Variants in CADM2 observed in about 807,000 individuals in gnomAD.
CADM2 encodes the protein immunoglobulin superfamily member 4D.
In CADM2, 12 loss-of-function variants were observed where a neutral mutation model predicts 49.8. The observed-to-expected ratio is 0.24, with a 90% CI of 0.15 to 0.39. The LOEUF (loss-of-function observed/expected upper bound fraction) is 0.39. CADM2 is among the 10% of genes least tolerant of loss of function. The pLI is 1.00. For synonymous variants in CADM2, 214 were observed against 175.4 expected (o/e 1.22, Z -1.74); for missense variants, 378 against 492.3 (o/e 0.77, Z 2.20).
At chr3:85,322,029 C>A (rs925338807) in intron 1 of CADM2, among the ~76,000 whole-genome samples, 1 of 152,086 alleles carries the variant, frequency 6.6e-6, no homozygotes, top group East Asian at 1.9e-4. Context: ...GGCAAAACAC[C>A]AAACATTTTG....
chr3:85,935,009 A>AT (rs1056909221), intron 6 of CADM2, among the ~76,000 whole-genome samples: 36 of 151,884 alleles, frequency 2.4e-4, no homozygotes, highest in African/African-American at 8.7e-4. Flanking sequence ...CTTATTTTCC[A>AT]TTTTTTCTAT....
At chr3:85,464,910 G>A (rs1370980324) in intron 1 of CADM2, among the ~76,000 whole-genome samples, 1 of 152,162 alleles carries the variant, frequency 6.6e-6, no homozygotes, top group East Asian at 1.9e-4. Context: ...AGCACTTTGG[G>A]AGGCCGAGGT....
chr3:86,055,409 C>T (rs1325592597), intron 8 of CADM2, among the ~76,000 whole-genome samples: 2 of 147,222 alleles, frequency 1.4e-5, no homozygotes, highest in Non-Finnish European at 3.0e-5. Flanking sequence ...TGTGTACTCA[C>T]ATGGTGAAAA....
intron 1 of CADM2, among the ~76,000 whole-genome samples, chr3:85,718,006 G>C (rs1041341402): frequency 1.3e-5 from 2 of 152,144 alleles, no homozygotes; most frequent in African/African-American, 4.8e-5. Context: ...CTCACTTCAG[G>C]TGATCTGCCC....
chr3:85,231,229 A>G (rs762706543), intron 1 of CADM2, among the ~76,000 whole-genome samples: 40 of 152,306 alleles, frequency 2.6e-4, no homozygotes, highest in Admixed American at 9.2e-4. Flanking sequence ...TAACACTGAG[A>G]CAATTTTTTT....
chr3:85,883,214 T>A (rs1713068971), intron 3 of CADM2, 77 bp from the exon 4 acceptor site: 1 of 1,143,634 alleles, frequency 8.7e-7, no homozygotes, highest in African/African-American at 1.5e-5. Flanking sequence ...TATTGTATTG[T>A]GTTGAAAATA....
At chr3:85,888,237 T>C (rs1321892447) in intron 5 of CADM2, among the ~76,000 whole-genome samples, 1 of 152,184 alleles carries the variant, frequency 6.6e-6, no homozygotes, top group Non-Finnish European at 1.5e-5. Flanking sequence ...TTAATATTGA[T>C]TGATTGTTTT....
chr3:85,804,127 GTAAA>G (rs2072248693), intron 3 of CADM2, among the ~76,000 whole-genome samples: 1 of 151,958 alleles, frequency 6.6e-6, no homozygotes, highest in Non-Finnish European at 1.5e-5. Flanking sequence ...ACAAATATTA[GTAAA>G]TAAATATTTA....
intron 1 of CADM2, among the ~76,000 whole-genome samples, chr3:85,530,915 A>ACACACACAC (rs1553737337): frequency 9.8e-6 from 1 of 102,422 alleles, no homozygotes; most frequent in African/African-American, 4.6e-5. Flanking sequence ...CACACACACA[A>ACACACACAC]AATTCATTAT....
intron 2 of CADM2, among the ~76,000 whole-genome samples, chr3:85,759,878 T>C (rs1404976520): frequency 1.3e-5 from 2 of 152,114 alleles, no homozygotes; most frequent in East Asian, 3.9e-4. Flanking sequence ...CAAAACTCTT[T>C]TTCCATACAC....
intron 1 of CADM2, among the ~76,000 whole-genome samples, chr3:85,725,480 A>G (rs2067663050): frequency 6.6e-6 from 1 of 151,982 alleles, no homozygotes; most frequent in Admixed American, 6.6e-5. Flanking sequence ...TTCCTCCTTA[A>G]CATCATTTAG....
intron 1 of CADM2, among the ~76,000 whole-genome samples, chr3:85,280,547 AT>A (rs1450172106): frequency 9.9e-5 from 15 of 151,584 alleles, no homozygotes; most frequent in African/African-American, 3.6e-4. Flanking sequence ...GATTTTTCTT[AT>A]TTGAGATCTT....
At chr3:85,052,327 C>T (rs1203921154) in intron 1 of CADM2, among the ~76,000 whole-genome samples, 1 of 152,086 alleles carries the variant, frequency 6.6e-6, no homozygotes, top group Non-Finnish European at 1.5e-5. Flanking sequence ...CTCTCTCTTT[C>T]CAATAACAAC....
At chr3:84,965,642 T>C (rs1346365799) in intron 1 of CADM2, among the ~76,000 whole-genome samples, 10 of 152,170 alleles carry the variant, frequency 6.6e-5, no homozygotes, top group African/African-American at 1.9e-4. Flanking sequence ...AAAATTAAAA[T>C]AGGATTTCCA....
At chr3:85,895,596 C>T (rs773514183) in intron 5 of CADM2, among the ~76,000 whole-genome samples, 5 of 152,100 alleles carry the variant, frequency 3.3e-5, no homozygotes, top group Middle Eastern at 3.2e-3. Context: ...GATGTGGGGG[C>T]AATCTGTGTC....
intron 3 of CADM2, among the ~76,000 whole-genome samples, chr3:85,836,995 T>C (rs1263386428): frequency 6.6e-6 from 1 of 151,612 alleles, no homozygotes; most frequent in South Asian, 2.1e-4. Flanking sequence ...CATTTTCTTC[T>C]GTAGTTGTAA....
chr3:85,415,900 T>G (rs2035899377), intron 1 of CADM2, among the ~76,000 whole-genome samples: 1 of 152,022 alleles, frequency 6.6e-6, no homozygotes, highest in Non-Finnish European at 1.5e-5. Context: ...TTATTGCAAA[T>G]TTGTGGGGGG....
intron 2 of CADM2, among the ~76,000 whole-genome samples, chr3:85,730,149 C>T (rs1251524355): frequency 6.6e-6 from 1 of 152,070 alleles, no homozygotes; most frequent in Non-Finnish European, 1.5e-5. Context: ...TTCTTTGAAT[C>T]TCTCATTCCT....
intron 1 of CADM2, among the ~76,000 whole-genome samples, chr3:85,646,649 T>C (rs1167817325): frequency 6.6e-6 from 1 of 151,892 alleles, no homozygotes; most frequent in Non-Finnish European, 1.5e-5. Context: ...AGGAATGACA[T>C]TTTAGGCACG....
Sources: allele counts gnomAD v4.1 joint callset (sites outside exome capture counted in the v4.1 genomes callset), GRCh38; gene constraint gnomAD v4.1.1; transcripts MANE v1.5; gene names NCBI Gene and HGNC (gene_info 2026-07-23, HGNC 2026-07-21).